Variants in RBM26 observed in about 807,000 individuals in gnomAD.
RBM26 encodes RNA-binding protein 26.
A neutral mutation model predicts 123.6 loss-of-function variants in RBM26; 30 were observed. The observed-to-expected ratio is 0.24, with a 90% CI of 0.18 to 0.33. The LOEUF (loss-of-function observed/expected upper bound fraction) is 0.33, where lower values mean the gene tolerates loss of function less well. Ranked by LOEUF, RBM26 falls within the 10% of genes least tolerant of loss-of-function variation. RBM26 has a pLI of 1.00. For synonymous variants in RBM26, 400 were observed against 404.4 expected, an observed-to-expected ratio of 0.99 and a Z score of 0.13; for missense variants, 947 against 1,203.6, an observed-to-expected ratio of 0.79 and a Z score of 3.15.
chr13:79,350,347 G>A (rs1020618200), intron 14 of RBM26, among the ~76,000 whole-genome samples: 9 of 152,162 alleles, frequency 5.9e-5, no homozygotes, highest in African/African-American at 2.2e-4. Flanking sequence ...TTAGAATTTA[G>A]AAGGGATTCA....
chr13:79,323,515 T>G (rs528738568), intron 20 of RBM26, among the ~76,000 whole-genome samples: 11 of 151,720 alleles, frequency 7.3e-5, no homozygotes, highest in Non-Finnish European at 1.5e-4. Flanking sequence ...CCAGGACAAT[T>G]TGCAATTTTT....
intron 3 of RBM26, among the ~76,000 whole-genome samples, chr13:79,375,081 TATATAA>T (rs1378814565): frequency 9.6e-6 from 1 of 104,368 alleles, no homozygotes; most frequent in Non-Finnish European, 2.1e-5. Flanking sequence ...TTATATGATA[TATATAA>T]ATATATATTT....
intron 1 of RBM26, among the ~76,000 whole-genome samples, chr13:79,402,113 T>C (rs1316719288): frequency 6.6e-6 from 1 of 152,134 alleles, no homozygotes; most frequent in African/African-American, 2.4e-5. Flanking sequence ...TTTGTTTGTT[T>C]AAAAGTTTAC....
chr13:79,371,786 T>C (rs1330931003), intron 4 of RBM26, 56 bp downstream of exon 4: 32 of 1,229,866 alleles, frequency 2.6e-5, no homozygotes, highest in Non-Finnish European at 3.2e-5. Flanking sequence ...GTCTAAACAT[T>C]TGTATAAAAG....
intron 1 of RBM26, among the ~76,000 whole-genome samples, chr13:79,398,504 AG>A (rs2078785322): frequency 6.6e-6 from 1 of 152,230 alleles, no homozygotes; most frequent in East Asian, 1.9e-4. Flanking sequence ...TCACAAGTTA[AG>A]GGGATAAAGA....
intron 9 of RBM26, among the ~76,000 whole-genome samples, chr13:79,362,951 AATC>A (rs1427352972): frequency 1.6e-4 from 25 of 152,192 alleles, no homozygotes; most frequent in Admixed American, 1.6e-3. Flanking sequence ...TTTCCCCAAT[AATC>A]ATTTTAATGA....
At position 79,369,002 on chromosome 13, in the gene RBM26, G is replaced by T. The variant is rs780146199; in HGVS notation, c.635-12C>A. On this transcript the variant is annotated splice_polypyrimidine_tract_variant and intron_variant, in intron 5 of 21. Transcript: ENST00000438737. ...TACCAGATCCCTTTCTGCAACGAAA[G>T]ATAAATGACATATAAAACTACACTG... 1.3e-4 allele frequency: 204 copies of T among 1,557,822 alleles called. No individual in the cohort carries two copies. In the Middle Eastern group the frequency reaches 3.4e-3, roughly 26 times the overall value.
Position 79,319,925 on chromosome 13 carries a change from T to A in RBM26, c.*696A>T. On this transcript the variant is annotated 3_prime_UTR_variant, in exon 22 of 22. Transcript: ENST00000438737. ...TTTCTTTTTTCTTTTCTTTTTTTTT[T>A]TAAATCAAGGAACATTGTCTTGGCT... 1 of 883,422 alleles carries A rather than the reference T, an allele frequency of 1.1e-6. No individual in the cohort carries two copies. The highest frequency in any genetic ancestry group is 1.3e-6 in the Non-Finnish European group (1 of 745,146). The allele number at this position is 883,422 out of a possible 1,614,324, so 54.7% of individuals were successfully genotyped here. A position where few individuals can be genotyped will look rare whatever the true frequency, so the allele number is the denominator to read the frequency against.
intron 20 of RBM26, among the ~76,000 whole-genome samples, chr13:79,324,237 G>A (rs546208946): frequency 6.6e-6 from 1 of 151,716 alleles, no homozygotes; most frequent in South Asian, 2.1e-4. Flanking sequence ...AATATGTATG[G>A]TATGTATACG....
Position 79,354,467 on chromosome 13 carries a change from G to C in RBM26, c.1958C>G (p.Ala653Gly), listed in dbSNP as rs751466701. Residue 653 changes from alanine to glycine, a missense_variant, in exon 13 of 22, where the codon GCC becomes GGC. Around this residue, in one of 5 missense-constraint regions of RBM26, gnomAD observed 493 missense variants for 563.1 expected, o/e 0.88. Coordinates refer to ENST00000438737, the MANE Select transcript of RBM26 (RefSeq NM_001366735.2). ...AGGAAGGTCTGAAGAGGCACTCTGG[G>C]CTTCTGCAGGTTCAATAGTACTTGA... ...VPSSTIEPAEAQSASSDLPQN... is the reference protein window; with the variant it reads ...VPSSTIEPAEGQSASSDLPQN... 3.1e-6 allele frequency: 5 copies of C among 1,597,726 alleles called. No individual in the cohort carries two copies. In the South Asian group the frequency reaches 4.5e-5, roughly 14 times the overall value.
chr13:79,394,190 G>A (rs1266505480), intron 1 of RBM26, among the ~76,000 whole-genome samples: 1 of 152,170 alleles, frequency 6.6e-6, no homozygotes, highest in Non-Finnish European at 1.5e-5. Context: ...TGGAACTGCC[G>A]CTCTGCTAGC....
intron 9 of RBM26, among the ~76,000 whole-genome samples, chr13:79,361,412 A>ATC (rs953121426): frequency 1.3e-5 from 2 of 152,140 alleles, no homozygotes; most frequent in South Asian, 2.1e-4. Context: ...TAGCAACAAC[A>ATC]TCTCTCTCCA....
intron 17 of RBM26, among the ~76,000 whole-genome samples, chr13:79,342,120 GC>G (rs761938269): frequency 1.4e-4 from 21 of 151,736 alleles, no homozygotes; most frequent in Non-Finnish European, 2.8e-4. Context: ...ATAAGGAAGA[GC>G]CATGTGATGT....
At chr13:79,349,572 CAAAT>C (rs1441622089) in intron 14 of RBM26, among the ~76,000 whole-genome samples, 1 of 150,986 alleles carries the variant, frequency 6.6e-6, no homozygotes, top group African/African-American at 2.4e-5. Flanking sequence ...CTAATACACT[CAAAT>C]AAATTAATTT....
chr13:79,402,868 T>TATTTCCCCA (rs3064589), intron 1 of RBM26, among the ~76,000 whole-genome samples: 150,191 of 152,206 alleles, frequency 0.99, 74,143 homozygotes, highest in South Asian at 1. Context: ...TGTTACCTAC[T>TATTTCCCCA]ATATCTTGCA....
chr13:79,334,303 A>G lies in RBM26; in HGVS notation c.2820+41T>C, dbSNP rs1280437528. 4 of 1,119,564 alleles carry G rather than the reference A, an allele frequency of 3.6e-6. No homozygotes were observed. In the South Asian group the frequency reaches 5.9e-5, roughly 17 times the overall value. The allele number at this position is 1,119,564 out of a possible 1,614,324, so 69.4% of individuals were successfully genotyped here. ...TAAAACTTAAAAGTAATACTTATAA[A>G]TCATTTAAATCTGAATTGATAAATT... is the stretch of plus-strand genomic sequence containing the variant. On this transcript the variant is annotated intron_variant, in intron 20 of 21. Coordinates refer to ENST00000438737, the MANE Select transcript of RBM26 (RefSeq NM_001366735.2).
chr13:79,349,036 G>A (rs904954649), intron 14 of RBM26, among the ~76,000 whole-genome samples: 1 of 152,098 alleles, frequency 6.6e-6, no homozygotes, highest in Non-Finnish European at 1.5e-5. Context: ...TTTTCAACTT[G>A]TAAGTAATAA....
At chr13:79,373,924 T>C (rs1376272023) in intron 3 of RBM26, among the ~76,000 whole-genome samples, 1 of 151,058 alleles carries the variant, frequency 6.6e-6, no homozygotes, top group Non-Finnish European at 1.5e-5. Context: ...TTGTTGAGAA[T>C]AATGGTCCTC....
intron 18 of RBM26, among the ~76,000 whole-genome samples, chr13:79,337,814 TATG>T (rs767398984): frequency 1.2e-4 from 18 of 152,186 alleles, no homozygotes; most frequent in Non-Finnish European, 2.5e-4. Flanking sequence ...CATTATTCTG[TATG>T]ATGATAGCAC....
Sources: allele counts gnomAD v4.1 joint callset (sites outside exome capture counted in the v4.1 genomes callset), GRCh38; gene constraint gnomAD v4.1.1; regional missense constraint gnomAD v4.1.1; transcripts MANE v1.5; gene names NCBI Gene and HGNC (gene_info 2026-07-23, HGNC 2026-07-21).